TMEM132B: variants seen among roughly 807,000 people sequenced by gnomAD.
TMEM132B encodes the protein transmembrane protein 132B.
In TMEM132B, 18 loss-of-function variants were observed where a neutral mutation model predicts 90.8. That is an observed-to-expected ratio of 0.20 (90% CI 0.14 to 0.29). The LOEUF (loss-of-function observed/expected upper bound fraction) is 0.29, where lower values mean the gene tolerates loss of function less well. TMEM132B is among the 10% of genes least tolerant of loss of function. TMEM132B has a pLI of 1.00. For missense variants in TMEM132B, 1,096 were observed against 1,326.8 expected (o/e 0.83, Z 2.70); for synonymous variants, 504 against 523.3 (o/e 0.96, Z 0.50).
At chr12:125,384,441 G>A (rs1878770695) in intron 2 of TMEM132B, among the ~76,000 whole-genome samples, 1 of 151,750 alleles carries the variant, frequency 6.6e-6, no homozygotes. Flanking sequence ...TGTATTTATG[G>A]GGTACAATGT....
chr12:125,214,111 G>A (rs1873381623), intron 1 of TMEM132B, among the ~76,000 whole-genome samples: 1 of 152,192 alleles, frequency 6.6e-6, no homozygotes. Context: ...GGAGCCATTA[G>A]GGTTAGCTTC....
intron 2 of TMEM132B, among the ~76,000 whole-genome samples, chr12:125,414,653 C>T (rs903042934): frequency 5.3e-5 from 8 of 152,058 alleles, no homozygotes; most frequent in Admixed American, 1.3e-4. Context: ...GAAGTCCCAG[C>T]GGGCCCTTGT....
At chr12:125,554,427 TAAAAAAAAAAAAAAA>T (rs71447048) in intron 4 of TMEM132B, among the ~76,000 whole-genome samples, 1 of 69,480 alleles carries the variant, frequency 1.4e-5, no homozygotes, top group Non-Finnish European at 2.8e-5. Context: ...TCCATTTCAT[TAAAAAAAAAAAAAAA>T]AAAAAAAAAA....
At chr12:125,339,406 G>T (rs897407904) in intron 1 of TMEM132B, among the ~76,000 whole-genome samples, 3 of 151,920 alleles carry the variant, frequency 2.0e-5, no homozygotes, top group African/African-American at 7.2e-5. Context: ...TTATGAGGAC[G>T]CCAGTCCAAT....
chr12:125,286,049 T>C (rs892398821), intron 1 of TMEM132B, among the ~76,000 whole-genome samples: 1 of 152,236 alleles, frequency 6.6e-6, no homozygotes, highest in South Asian at 2.1e-4. Flanking sequence ...TCGAAATGAA[T>C]CATCCTCATA....
chr12:125,378,078 G>A (rs1457840817), intron 2 of TMEM132B, among the ~76,000 whole-genome samples: 1 of 152,110 alleles, frequency 6.6e-6, no homozygotes, highest in Non-Finnish European at 1.5e-5. Flanking sequence ...AGGGGAGAAG[G>A]CATTCTCACT....
chr12:125,295,837 C>T (rs1875659821), intron 1 of TMEM132B, among the ~76,000 whole-genome samples: 1 of 152,164 alleles, frequency 6.6e-6, no homozygotes, highest in South Asian at 2.1e-4. Flanking sequence ...TTCACAGGTT[C>T]ATCTCCAGGA....
intron 1 of TMEM132B, among the ~76,000 whole-genome samples, chr12:125,320,265 C>A (rs1876393796): frequency 6.6e-6 from 1 of 152,272 alleles, no homozygotes; most frequent in Non-Finnish European, 1.5e-5. Flanking sequence ...AAAATAGGAG[C>A]AAATAAATTG....
chr12:125,368,421 C>G (rs1488438021), intron 2 of TMEM132B, among the ~76,000 whole-genome samples: 2 of 152,190 alleles, frequency 1.3e-5, no homozygotes, highest in African/African-American at 4.8e-5. Flanking sequence ...GAAGTTACTG[C>G]TTTTCTCTTT....
chr12:125,189,266 T>G (rs1039516685), intron 1 of TMEM132B, among the ~76,000 whole-genome samples: 7 of 152,244 alleles, frequency 4.6e-5, no homozygotes, highest in Non-Finnish European at 8.8e-5. Context: ...GAGCCACTTT[T>G]GTACATGCTG....
At chr12:125,312,799 TC>T (rs1876153736) in intron 1 of TMEM132B, among the ~76,000 whole-genome samples, 1 of 152,196 alleles carries the variant, frequency 6.6e-6, no homozygotes, top group Non-Finnish European at 1.5e-5. Context: ...TGTGGCCATT[TC>T]CCCATCCTGC....
chr12:125,491,609 A>T (rs1882351847), intron 3 of TMEM132B, among the ~76,000 whole-genome samples: 1 of 152,146 alleles, frequency 6.6e-6, no homozygotes, highest in African/African-American at 2.4e-5. Flanking sequence ...ACCTACCTTC[A>T]CTGTCTCAGA....
rs1881556340 is a variant in TMEM132B at position 125,466,075 on chromosome 12, A to G, written c.1106+50398A>G. Among the ~76,000 whole-genome samples the G allele has an allele frequency of 2.0e-5, 3 of 152,188 alleles. No homozygotes were observed. The South Asian group carries it at 6.2e-4, about 32-fold the overall frequency. ...TATAGCAACACAAAAATGGCCTAAGACGCCAGGGTTCAGAAGAGAGGTCTG... is the reference window on the plus strand; with the variant it reads ...TATAGCAACACAAAAATGGCCTAAGGCGCCAGGGTTCAGAAGAGAGGTCTG... On this transcript the variant is annotated intron_variant, in intron 3 of 8. Coordinates refer to ENST00000682704, the MANE Select transcript of TMEM132B (RefSeq NM_001366854.1).
In TMEM132B at chr12:125,350,273, C is replaced by A. The variant is rs753422221; in HGVS notation, c.889C>A (p.Arg297=). ...VVISVPLNLV[R]EGDTATFLVS... is the part of the protein sequence containing the mutation. ...CATCTCGGTACCTCTGAATCTAGTC[C>A]GGGAAGGGGACACGGCCACCTTTTT... The change falls in exon 2 of 9, where the codon CGG becomes AGG. Residue 297 remains arginine (R), a synonymous_variant. Transcript: ENST00000682704. The A allele has an allele frequency of 1.2e-6, 2 of 1,613,778 alleles. No individual in the cohort carries two copies. Among genetic ancestry groups the A allele is most frequent in the Non-Finnish European group, 1.7e-6 (2 of 1,180,020 alleles).
At chr12:125,382,455 CAG>C (rs918740766) in intron 2 of TMEM132B, among the ~76,000 whole-genome samples, 5 of 152,110 alleles carry the variant, frequency 3.3e-5, no homozygotes, top group African/African-American at 1.2e-4. Context: ...GGAGCAGTGA[CAG>C]GGGATGGTGG....
intron 2 of TMEM132B, among the ~76,000 whole-genome samples, chr12:125,355,586 C>T (rs753053470): frequency 6.6e-5 from 10 of 152,118 alleles, no homozygotes; most frequent in Non-Finnish European, 1.2e-4. Context: ...GTTGTCTGGC[C>T]GTTGTCCATT....
intron 3 of TMEM132B, among the ~76,000 whole-genome samples, chr12:125,513,002 T>A (rs1479614314): frequency 2.6e-5 from 4 of 151,536 alleles, no homozygotes; most frequent in African/African-American, 9.7e-5. Context: ...GAAACGGGGG[T>A]GATGAGGGGA....
chr12:125,439,523 C>G (rs1358431859), intron 3 of TMEM132B, among the ~76,000 whole-genome samples: 1 of 152,124 alleles, frequency 6.6e-6, no homozygotes, highest in Non-Finnish European at 1.5e-5. Flanking sequence ...GATTTTGTAT[C>G]CTGAGTCTTT....
chr12:125,291,569 T>A (rs779730650), intron 1 of TMEM132B, among the ~76,000 whole-genome samples: 1 of 152,098 alleles, frequency 6.6e-6, no homozygotes, highest in Non-Finnish European at 1.5e-5. Flanking sequence ...GGCATGAGGA[T>A]GTCAGTCCTC....
Sources: allele counts gnomAD v4.1 joint callset (sites outside exome capture counted in the v4.1 genomes callset), GRCh38; gene constraint gnomAD v4.1.1; transcripts MANE v1.5; gene names NCBI Gene and HGNC (gene_info 2026-07-23, HGNC 2026-07-21).